EXOC4: variants seen among roughly 807,000 people sequenced by gnomAD.
EXOC4 encodes SEC8-like 1.
EXOC4 carries 71 observed loss-of-function variants against 107.2 expected under a neutral mutation model. The ratio of observed to expected loss-of-function variants is 0.66; its 90% CI spans 0.55 to 0.81. EXOC4 has a LOEUF of 0.81. EXOC4 is among the 30% of genes least tolerant of loss of function. EXOC4 has a pLI of 0.00. For missense variants in EXOC4, 1,108 were observed against 1,189.6 expected, an observed-to-expected ratio of 0.93 and a Z score of 1.01; for synonymous variants, 456 against 441.2, an observed-to-expected ratio of 1.03 and a Z score of -0.42.
chr7:133,485,370 G>A (rs1450439328), intron 9 of EXOC4, among the ~76,000 whole-genome samples: 2 of 151,822 alleles, frequency 1.3e-5, no homozygotes, highest in Non-Finnish European at 2.9e-5. Context: ...CTTGTCAAAA[G>A]CCTGTTGGAG....
chr7:133,879,409 G>A (rs1358581772), intron 11 of EXOC4, among the ~76,000 whole-genome samples: 1 of 151,976 alleles, frequency 6.6e-6, no homozygotes, highest in Non-Finnish European at 1.5e-5. Context: ...TTGTAATTAT[G>A]TTATTTTTTC....
At chr7:133,354,187 CCTCT>C (rs1795973928) in intron 5 of EXOC4, among the ~76,000 whole-genome samples, 1 of 150,940 alleles carries the variant, frequency 6.6e-6, no homozygotes, top group South Asian at 2.1e-4. Flanking sequence ...GCCATATTTG[CCTCT>C]CTATTTCTAT....
At chr7:133,919,209 A>C (rs1799880657) in intron 13 of EXOC4, among the ~76,000 whole-genome samples, 1 of 152,048 alleles carries the variant, frequency 6.6e-6, no homozygotes, top group Non-Finnish European at 1.5e-5. Flanking sequence ...CTCTCTCCCC[A>C]CCTTTATTTT....
intron 1 of EXOC4, 126 bp downstream of exon 1, chr7:133,253,313 C>T (rs1794935824): frequency 6.9e-7 from 1 of 1,440,050 alleles, no homozygotes; most frequent in Non-Finnish European, 9.1e-7. Context: ...CGCAGCCCCT[C>T]CCCAGGGCTC....
intron 9 of EXOC4, among the ~76,000 whole-genome samples, chr7:133,568,649 C>T (rs1026014502): frequency 5.3e-5 from 8 of 151,966 alleles, no homozygotes; most frequent in African/African-American, 1.9e-4. Context: ...GGGTGTCCCT[C>T]ATAGAGCATA....
chr7:133,560,674 C>A (rs1800788737), intron 9 of EXOC4, among the ~76,000 whole-genome samples: 1 of 152,018 alleles, frequency 6.6e-6, no homozygotes. Flanking sequence ...GTATTTCTGT[C>A]AAATGAATTC....
At chr7:133,464,802 G>T (rs1419579150) in intron 7 of EXOC4, among the ~76,000 whole-genome samples, 1,342 of 34,574 alleles carry the variant, frequency 0.039, 260 homozygotes, top group African/African-American at 0.16. Flanking sequence ...TTTTTTGTTG[G>T]TTGGGTTGGT....
intron 17 of EXOC4, among the ~76,000 whole-genome samples, chr7:134,050,715 G>A (rs1382418538): frequency 2.0e-5 from 3 of 152,180 alleles, no homozygotes; most frequent in Non-Finnish European, 2.9e-5. Flanking sequence ...GTTGAAGCAG[G>A]GAAGAACTGG....
Position 133,498,401 on chromosome 7 carries a change from C to T in EXOC4, c.1417+18263C>T, listed in dbSNP as rs536660244. On this transcript the variant is annotated intron_variant, in intron 9 of 17. Transcript: ENST00000253861. ...GAGATTGAGACCATCCTGGCTAACA[C>T]GGTGAAACCCCGTCTCTACTAAAAA... Among the ~76,000 whole-genome samples, 20 of 152,142 alleles carry T rather than the reference C, an allele frequency of 1.3e-4. No individual in the cohort carries two copies. In the East Asian group the frequency reaches 3.7e-3, roughly 28 times the overall value.
At chr7:133,731,785 A>C (rs1376780551) in intron 10 of EXOC4, among the ~76,000 whole-genome samples, 1 of 152,202 alleles carries the variant, frequency 6.6e-6, no homozygotes, top group Non-Finnish European at 1.5e-5. Context: ...ATTATATCAA[A>C]GTATTCTGAA....
chr7:133,258,673 T>G (rs1452503120), intron 1 of EXOC4, among the ~76,000 whole-genome samples: 1 of 152,180 alleles, frequency 6.6e-6, no homozygotes, highest in African/African-American at 2.4e-5. Flanking sequence ...ATTTGCCGGA[T>G]AGCAACCAGG....
chr7:133,289,805 C>T (rs1299832190), intron 3 of EXOC4, among the ~76,000 whole-genome samples: 1 of 152,182 alleles, frequency 6.6e-6, no homozygotes, highest in Non-Finnish European at 1.5e-5. Context: ...TTTCTCCCTT[C>T]CCTTTTACCC....
chr7:134,037,994 A>G (rs1354027340), intron 17 of EXOC4, among the ~76,000 whole-genome samples: 1 of 152,224 alleles, frequency 6.6e-6, no homozygotes, highest in African/African-American at 2.4e-5. Flanking sequence ...CAAGGTGCAA[A>G]CATAGATAAC....
At chr7:133,759,061 G>T (rs1419540366) in intron 10 of EXOC4, among the ~76,000 whole-genome samples, 28 of 152,068 alleles carry the variant, frequency 1.8e-4, no homozygotes, top group Admixed American at 3.3e-4. Context: ...TGGATTTAGG[G>T]ATTGCTCCCC....
At chr7:133,886,411 AT>A in intron 11 of EXOC4, among the ~76,000 whole-genome samples, 1 of 152,318 alleles carries the variant, frequency 6.6e-6, no homozygotes, top group East Asian at 1.9e-4. Context: ...CACTGATTAA[AT>A]TTTTTTAAGT....
intron 11 of EXOC4, among the ~76,000 whole-genome samples, chr7:133,865,746 T>C (rs1798624838): frequency 6.6e-6 from 1 of 152,110 alleles, no homozygotes; most frequent in Non-Finnish European, 1.5e-5. Context: ...AGGGAAGTGC[T>C]ACCACTTTTA....
At chr7:133,934,307 G>A (rs890904837) in intron 13 of EXOC4, among the ~76,000 whole-genome samples, 12 of 152,296 alleles carry the variant, frequency 7.9e-5, no homozygotes, top group African/African-American at 2.9e-4. Flanking sequence ...GATTTTTTGT[G>A]TGAAATGGTT....
chr7:133,536,307 C>T (rs989696410), intron 9 of EXOC4, among the ~76,000 whole-genome samples: 2 of 152,092 alleles, frequency 1.3e-5, no homozygotes, highest in African/African-American at 4.8e-5. Context: ...AGATATTTTA[C>T]TCCCTCTGTT....
intron 13 of EXOC4, among the ~76,000 whole-genome samples, chr7:133,918,886 G>A (rs1318921075): frequency 2.0e-5 from 3 of 152,128 alleles, no homozygotes; most frequent in Admixed American, 2.0e-4. Context: ...ACTAGAAGAG[G>A]AATAAAAGGA....
Sources: allele counts gnomAD v4.1 joint callset (sites outside exome capture counted in the v4.1 genomes callset), GRCh38; gene constraint gnomAD v4.1.1; transcripts MANE v1.5; gene names NCBI Gene and HGNC (gene_info 2026-07-23, HGNC 2026-07-21).